OTUD7A: variants seen among roughly 807,000 people sequenced by gnomAD.
The protein encoded by OTUD7A is OTU deubiquitinase 7A.
In OTUD7A, 12 loss-of-function variants were observed where a neutral mutation model predicts 65.7. The observed-to-expected ratio is 0.18, with a 90% confidence interval of 0.12 to 0.30. The LOEUF (loss-of-function observed/expected upper bound fraction) is 0.30, where lower values mean the gene tolerates loss of function less well. Ranked by LOEUF, OTUD7A falls within the 10% of genes least tolerant of loss-of-function variation. The pLI is 1.00. For missense variants in OTUD7A, 1,148 were observed against 1,304.8 expected, an observed-to-expected ratio of 0.88 and a Z score of 1.85; for synonymous variants, 641 against 586.3, an observed-to-expected ratio of 1.09 and a Z score of -1.35.
intron 1 of OTUD7A, among the ~76,000 whole-genome samples, chr15:31,827,923 A>C (rs1896837832): frequency 6.6e-6 from 1 of 152,030 alleles, no homozygotes; most frequent in Non-Finnish European, 1.5e-5. Context: ...TGACAGAACA[A>C]GATTCCATCT....
At chr15:31,833,298 AAGTG>A (rs1313683526) in intron 1 of OTUD7A, among the ~76,000 whole-genome samples, 7 of 152,218 alleles carry the variant, frequency 4.6e-5, no homozygotes. Flanking sequence ...TGCCCAACTC[AAGTG>A]ATCTCCCTAC....
chr15:31,624,416 A>G (rs943596883), intron 3 of OTUD7A, among the ~76,000 whole-genome samples: 3 of 152,248 alleles, frequency 2.0e-5, no homozygotes, highest in African/African-American at 7.2e-5. Context: ...AAACAGAAGG[A>G]AGAAAACTTT....
chr15:31,783,803 A>T lies in OTUD7A; in HGVS notation c.-100+86704T>A, dbSNP rs528868524. ...TGCAGGGTTTGAAAGAATAACTGAAAACGATCATTTTTCAGACACTGGTGT... is the reference window on the plus strand; with the variant it reads ...TGCAGGGTTTGAAAGAATAACTGAATACGATCATTTTTCAGACACTGGTGT... On this transcript the variant is annotated intron_variant, in intron 1 of 12. Coordinates refer to ENST00000307050, the MANE Select transcript of OTUD7A (RefSeq NM_001382637.1). Among the ~76,000 whole-genome samples the T allele has an allele frequency of 2.8e-4, 42 of 152,324 alleles. 1 individual carries two copies. The highest frequency in any genetic ancestry group is 6.8e-3 in the Middle Eastern group (2 of 294).
At chr15:31,830,145 C>T (rs561790703) in intron 1 of OTUD7A, among the ~76,000 whole-genome samples, 3 of 152,294 alleles carry the variant, frequency 2.0e-5, no homozygotes, top group Non-Finnish European at 4.4e-5. Flanking sequence ...TTCAAACTTG[C>T]CCAGGTTTAT....
intron 3 of OTUD7A, among the ~76,000 whole-genome samples, chr15:31,570,646 GCTTAA>G (rs1475672956): frequency 6.6e-6 from 1 of 152,194 alleles, no homozygotes; most frequent in Non-Finnish European, 1.5e-5. Context: ...TTTATTTTAA[GCTTAA>G]TATGAGCGAA....
intron 1 of OTUD7A, among the ~76,000 whole-genome samples, chr15:31,694,685 C>G (rs1294866266): frequency 1.3e-5 from 2 of 151,332 alleles, no homozygotes; most frequent in Admixed American, 1.3e-4. Context: ...TCACCTTTTT[C>G]GGATTCCACA....
chr15:31,852,871 G>A (rs1339560297), intron 1 of OTUD7A, among the ~76,000 whole-genome samples: 24 of 152,210 alleles, frequency 1.6e-4, no homozygotes, highest in Non-Finnish European at 1.5e-5. Flanking sequence ...ATTCATTCAA[G>A]GTTATACTGA....
At chr15:31,711,459 C>A (rs1356900028) in intron 1 of OTUD7A, among the ~76,000 whole-genome samples, 7 of 151,202 alleles carry the variant, frequency 4.6e-5, no homozygotes, top group Admixed American at 6.6e-5. Context: ...CCTTACCTTA[C>A]TTTATATCAC....
rs557176562 is a variant in OTUD7A at position 31,651,165 on chromosome 15, A to G, written c.151+3931T>C. ...AAAAGGGCAGAACATAGAAACATGG[A>G]AAGAAATAGCTGAAAGTCTGGTTTA... On this transcript the variant is annotated intron_variant, in intron 3 of 12. Transcript: ENST00000307050. Among the ~76,000 whole-genome samples the G allele has an allele frequency of 2.1e-5, 3 of 145,716 alleles. No homozygotes were observed. In the East Asian group the frequency reaches 6.1e-4, roughly 30 times the overall value.
intron 1 of OTUD7A, among the ~76,000 whole-genome samples, chr15:31,663,246 AAC>A (rs531313199): frequency 0.02 from 2,768 of 140,346 alleles, 33 homozygotes; most frequent in Non-Finnish European, 0.023. Context: ...TCTTGGGCTA[AAC>A]ACACACACAC....
At chr15:31,600,632 G>C (rs1890044958) in intron 3 of OTUD7A, among the ~76,000 whole-genome samples, 1 of 152,114 alleles carries the variant, frequency 6.6e-6, no homozygotes, top group Admixed American at 6.6e-5. Context: ...AATGTAAATG[G>C]GCTAAATGCC....
intron 1 of OTUD7A, among the ~76,000 whole-genome samples, chr15:31,848,716 G>T (rs1218634718): frequency 6.6e-6 from 1 of 152,178 alleles, no homozygotes; most frequent in Non-Finnish European, 1.5e-5. Context: ...TGAAAAATAT[G>T]GTATGCTCAG....
At chr15:31,820,652 C>T (rs1437146397) in intron 1 of OTUD7A, among the ~76,000 whole-genome samples, 1 of 152,194 alleles carries the variant, frequency 6.6e-6, no homozygotes, top group African/African-American at 2.4e-5. Context: ...TAGCTGTGCT[C>T]TTATAACAGG....
At chr15:31,868,222 G>A (rs1897930634) in intron 1 of OTUD7A, among the ~76,000 whole-genome samples, 1 of 152,212 alleles carries the variant, frequency 6.6e-6, no homozygotes, top group Non-Finnish European at 1.5e-5. Flanking sequence ...CATACAAGCG[G>A]GATGAAGAGG....
intron 1 of OTUD7A, among the ~76,000 whole-genome samples, chr15:31,824,826 C>T (rs1896761896): frequency 6.6e-6 from 1 of 152,172 alleles, no homozygotes; most frequent in Non-Finnish European, 1.5e-5. Flanking sequence ...AAGCTCTGTA[C>T]TTTTATTCAC....
chr15:31,859,134 T>G lies in OTUD7A; in HGVS notation c.-100+11373A>C, dbSNP rs577554589. ...AAACCTGGCAAACAGTTTGATTTCCTTCTGCATGGCTGTACATCTTACTAT... is the reference window on the plus strand; with the variant it reads ...AAACCTGGCAAACAGTTTGATTTCCGTCTGCATGGCTGTACATCTTACTAT... On this transcript the variant is annotated intron_variant, in intron 1 of 12. Transcript: ENST00000307050. Among the ~76,000 whole-genome samples, 6 of 152,376 alleles carry G rather than the reference T, an allele frequency of 3.9e-5. No homozygotes were observed. In the South Asian group the frequency reaches 1.2e-3, roughly 32 times the overall value.
At chr15:31,831,468 G>A (rs1207805923) in intron 1 of OTUD7A, among the ~76,000 whole-genome samples, 1 of 152,194 alleles carries the variant, frequency 6.6e-6, no homozygotes, top group Non-Finnish European at 1.5e-5. Context: ...AAATGCAAAT[G>A]AGAACTGCGA....
intron 1 of OTUD7A, among the ~76,000 whole-genome samples, chr15:31,744,887 T>C (rs940049025): frequency 1.3e-5 from 2 of 152,050 alleles, no homozygotes; most frequent in East Asian, 1.9e-4. Context: ...TAGCAAAAAG[T>C]TGGAAAATGA....
chr15:31,763,760 A>C (rs904514016), intron 1 of OTUD7A, among the ~76,000 whole-genome samples: 1 of 152,196 alleles, frequency 6.6e-6, no homozygotes, highest in African/African-American at 2.4e-5. Context: ...TGAAAAACCA[A>C]AGACAAGATT....
Sources: gnomAD v4.1 joint callset for allele counts (sites outside exome capture counted in the v4.1 genomes callset) on GRCh38, gnomAD v4.1.1 for gene constraint, MANE v1.5 for transcripts, NCBI Gene and HGNC (gene_info 2026-07-23, HGNC 2026-07-21) for gene names.